Variants in GPHN observed in about 807,000 individuals in gnomAD.
GPHN encodes the protein gephyrin.
GPHN carries 17 observed loss-of-function variants against 95.5 expected under a neutral mutation model. The ratio of observed to expected loss-of-function variants is 0.18; its 90% CI spans 0.12 to 0.27. The LOEUF (loss-of-function observed/expected upper bound fraction) is 0.27. Ranked by LOEUF, GPHN falls within the 10% of genes least tolerant of loss-of-function variation. The pLI, the probability that GPHN is intolerant of heterozygous loss-of-function variation, is 1.00. For missense variants in GPHN, 660 were observed against 978.1 expected (o/e 0.67, Z 4.34); for synonymous variants, 320 against 322.5 (o/e 0.99, Z 0.08).
At chr14:66,783,730 T>A (rs1029846063) in intron 3 of GPHN, among the ~76,000 whole-genome samples, 1 of 152,198 alleles carries the variant, frequency 6.6e-6, no homozygotes, top group Admixed American at 6.5e-5. Flanking sequence ...CAAGGTAATG[T>A]CAACTTTCAC....
At chr14:67,077,035 C>A (rs1049674173) in intron 11 of GPHN, among the ~76,000 whole-genome samples, 6 of 152,150 alleles carry the variant, frequency 3.9e-5, no homozygotes, top group Non-Finnish European at 7.4e-5. Context: ...GAATGCTTTT[C>A]ACTCTTATAT....
chr14:67,018,444 A>G (rs1295890984), intron 9 of GPHN, among the ~76,000 whole-genome samples: 1 of 152,180 alleles, frequency 6.6e-6, no homozygotes. Context: ...GCAACAGTGT[A>G]TTCCAGATAA....
chr14:67,559,545 C>A, the GPHN span: 2 of 1,193,730 alleles, frequency 1.7e-6, no homozygotes, highest in Admixed American at 2.0e-5. Flanking sequence ...GGGTTTCCCA[C>A]CTCCAGTCAG....
intron 11 of GPHN, among the ~76,000 whole-genome samples, chr14:67,076,112 T>A (rs939997530): frequency 6.6e-5 from 10 of 152,064 alleles, no homozygotes; most frequent in Non-Finnish European, 1.3e-4. Context: ...TTTAAGAAAT[T>A]GCCACAGCCA....
intron 6 of GPHN, among the ~76,000 whole-genome samples, chr14:66,918,317 C>A (rs539179898): frequency 1.3e-5 from 2 of 152,242 alleles, no homozygotes; most frequent in Non-Finnish European, 2.9e-5. Flanking sequence ...CCTTTGGTAT[C>A]CAGAGCTTTT....
chr14:67,581,013 G>A, the GPHN span: 18 of 1,612,014 alleles, frequency 1.1e-5, no homozygotes, highest in East Asian at 4.5e-5. Context: ...TGGGACACGC[G>A]TCGTGAAGCT....
intron 1 of GPHN, among the ~76,000 whole-genome samples, chr14:66,524,437 T>C (rs1179726888): frequency 6.6e-6 from 1 of 152,148 alleles, no homozygotes; most frequent in Non-Finnish European, 1.5e-5. Context: ...ATCTATCAAA[T>C]TTAGAGCATT....
At chr14:67,645,591 C>T in the GPHN span, 15 of 1,575,444 alleles carry the variant, frequency 9.5e-6, no homozygotes, top group East Asian at 6.7e-5. Context: ...CGTTTGTTAT[C>T]GGTCATGTTT....
intron 9 of GPHN, among the ~76,000 whole-genome samples, chr14:66,974,893 A>G (rs1334204294): frequency 1.3e-5 from 2 of 152,040 alleles, no homozygotes; most frequent in African/African-American, 4.8e-5. Flanking sequence ...CACCTCTATA[A>G]CCTTAATTAT....
chr14:67,247,423 T>G, the GPHN span, among the ~76,000 whole-genome samples: 1 of 152,126 alleles, frequency 6.6e-6, no homozygotes, highest in Non-Finnish European at 1.5e-5. Flanking sequence ...TTTAGTAATT[T>G]TTTTTGGAAT....
the GPHN span, among the ~76,000 whole-genome samples, chr14:67,449,590 T>C: frequency 1.3e-5 from 2 of 152,094 alleles, no homozygotes; most frequent in African/African-American, 4.8e-5. Context: ...TAGTGCTATG[T>C]GGTATAGCAT....
intron 1 of GPHN, among the ~76,000 whole-genome samples, chr14:66,675,390 C>T (rs534267478): frequency 1.5e-4 from 23 of 152,040 alleles, no homozygotes; most frequent in South Asian, 4.1e-4. Flanking sequence ...ATGATCTGCC[C>T]GCCTCGGCCT....
chr14:66,706,307 A>G (rs771994526), intron 2 of GPHN, among the ~76,000 whole-genome samples: 1 of 152,210 alleles, frequency 6.6e-6, no homozygotes, highest in East Asian at 1.9e-4. Context: ...ATTAGAAAAT[A>G]ACTACTTTAA....
At chr14:67,012,723 C>A (rs1260366169) in intron 9 of GPHN, among the ~76,000 whole-genome samples, 1 of 152,102 alleles carries the variant, frequency 6.6e-6, no homozygotes, top group Non-Finnish European at 1.5e-5. Flanking sequence ...CACAATAATT[C>A]TATGAGGTGG....
At chr14:66,687,639 G>A (rs1172829705) in intron 2 of GPHN, among the ~76,000 whole-genome samples, 2 of 151,816 alleles carry the variant, frequency 1.3e-5, no homozygotes, top group African/African-American at 4.8e-5. Context: ...ACAGGCATGT[G>A]CCACCATGCC....
the GPHN span, among the ~76,000 whole-genome samples, chr14:67,347,835 C>G: frequency 1.3e-5 from 2 of 151,826 alleles, no homozygotes; most frequent in African/African-American, 4.8e-5. Context: ...TTCTGTGTTT[C>G]TTTTTCATCA....
intron 3 of GPHN, among the ~76,000 whole-genome samples, chr14:66,784,491 A>G (rs896175624): frequency 4.6e-5 from 7 of 152,222 alleles, no homozygotes; most frequent in African/African-American, 1.4e-4. Context: ...GGGTCAATAC[A>G]ATAGATTGTA....
intron 17 of GPHN, among the ~76,000 whole-genome samples, chr14:67,138,511 TA>T (rs2080237962): frequency 1.3e-5 from 2 of 152,164 alleles, no homozygotes; most frequent in Non-Finnish European, 2.9e-5. Flanking sequence ...CTATTCAGAG[TA>T]ATCTTTGAGT....
At chr14:67,564,805 C>T in the GPHN span, among the ~76,000 whole-genome samples, 177 of 151,956 alleles carry the variant, frequency 1.2e-3, no homozygotes, top group African/African-American at 4.1e-3. Context: ...TCTCCCACCT[C>T]AGCCTCCCGA....
Sources: allele counts gnomAD v4.1 joint callset (sites outside exome capture counted in the v4.1 genomes callset), GRCh38; gene constraint gnomAD v4.1.1; transcripts MANE v1.5; gene names NCBI Gene and HGNC (gene_info 2026-07-23, HGNC 2026-07-21).